Variants in DNM3 observed in about 807,000 individuals in gnomAD.
The protein encoded by DNM3 is dynamin-3.
DNM3 carries 47 observed loss-of-function variants against 101.6 expected under a neutral mutation model. That is an observed-to-expected ratio of 0.46 (90% CI 0.37 to 0.59). The LOEUF (loss-of-function observed/expected upper bound fraction) is 0.59, where lower values mean the gene tolerates loss of function less well. Among genes scored for constraint, DNM3 ranks in the 20% least tolerant of loss-of-function variants. The pLI, the probability that DNM3 is intolerant of heterozygous loss-of-function variation, is 0.00. For missense variants in DNM3, 849 were observed against 1,085.7 expected, an observed-to-expected ratio of 0.78 and a Z score of 3.06; for synonymous variants, 385 against 387.9, an observed-to-expected ratio of 0.99 and a Z score of 0.09.
At chr1:172,025,111 T>C (rs2048106859) in intron 4 of DNM3, among the ~76,000 whole-genome samples, 1 of 152,144 alleles carries the variant, frequency 6.6e-6, no homozygotes, top group Non-Finnish European at 1.5e-5. Flanking sequence ...TTGAGCTTTG[T>C]TTGGGGAGGG....
intron 20 of DNM3, 84 bp from the exon 21 acceptor site, chr1:172,407,688 A>G: frequency 7.1e-7 from 1 of 1,403,240 alleles, no homozygotes; most frequent in East Asian, 2.3e-5. Context: ...GCATGTGTGT[A>G]ATGGCTCTTT....
intron 13 of DNM3, among the ~76,000 whole-genome samples, chr1:172,106,732 T>C (rs1414301288): frequency 4.6e-5 from 7 of 152,138 alleles, no homozygotes; most frequent in African/African-American, 7.2e-5. Context: ...ATTTGTTATA[T>C]TGATATACTT....
At chr1:172,077,446 A>G (rs1224609999) in intron 11 of DNM3, among the ~76,000 whole-genome samples, 1 of 152,156 alleles carries the variant, frequency 6.6e-6, no homozygotes, top group East Asian at 1.9e-4. Flanking sequence ...TCCTGTGGGC[A>G]TTTAGTGCTA....
chr1:171,892,957 C>T (rs777809403), intron 1 of DNM3, among the ~76,000 whole-genome samples: 2 of 151,904 alleles, frequency 1.3e-5, no homozygotes, highest in African/African-American at 2.4e-5. Flanking sequence ...TCCTGCTGTG[C>T]GGCCCAGTTC....
At chr1:172,148,409 A>G (rs2058002093) in intron 14 of DNM3, among the ~76,000 whole-genome samples, 1 of 152,058 alleles carries the variant, frequency 6.6e-6, no homozygotes, top group Non-Finnish European at 1.5e-5. Flanking sequence ...CGTCATGATA[A>G]TAACTTAAGA....
chr1:172,286,592 A>G (rs1386248121), intron 15 of DNM3, among the ~76,000 whole-genome samples: 1 of 152,232 alleles, frequency 6.6e-6, no homozygotes, highest in Non-Finnish European at 1.5e-5. Flanking sequence ...GGCACCCAGC[A>G]TCACAGCCAC....
intron 13 of DNM3, among the ~76,000 whole-genome samples, chr1:172,102,342 A>G (rs2054708510): frequency 6.6e-6 from 1 of 152,154 alleles, no homozygotes; most frequent in Non-Finnish European, 1.5e-5. Flanking sequence ...AATAATCATT[A>G]TTTTATTATA....
intron 4 of DNM3, among the ~76,000 whole-genome samples, chr1:172,016,967 C>G (rs1177434959): frequency 6.6e-6 from 1 of 152,046 alleles, no homozygotes; most frequent in African/African-American, 2.4e-5. Flanking sequence ...TCAAGCAATC[C>G]TCTCACCTCA....
intron 1 of DNM3, among the ~76,000 whole-genome samples, chr1:171,887,787 T>C (rs779825492): frequency 2.6e-5 from 4 of 152,192 alleles, no homozygotes; most frequent in Non-Finnish European, 2.9e-5. Context: ...AATCTGGGGA[T>C]TTATTTAATT....
At chr1:172,092,944 T>A in intron 13 of DNM3, 69 bp downstream of exon 13, 1 of 1,390,704 alleles carries the variant, frequency 7.2e-7, no homozygotes, top group Non-Finnish European at 9.8e-7. Context: ...CTTGATTGAC[T>A]ATTTTTTTAA....
intron 14 of DNM3, among the ~76,000 whole-genome samples, chr1:172,251,197 G>A (rs888779747): frequency 2.6e-5 from 4 of 151,992 alleles, no homozygotes; most frequent in African/African-American, 4.8e-5. Flanking sequence ...CACACTTCTT[G>A]ATTAAGATGA....
chr1:172,280,009 G>T (rs1294033128), intron 15 of DNM3, among the ~76,000 whole-genome samples: 1 of 152,114 alleles, frequency 6.6e-6, no homozygotes, highest in East Asian at 1.9e-4. Context: ...CCATTGTCTG[G>T]CTTCTGGCTC....
At chr1:171,851,736 A>G (rs1187201251) in intron 1 of DNM3, among the ~76,000 whole-genome samples, 2 of 152,338 alleles carry the variant, frequency 1.3e-5, no homozygotes, top group Admixed American at 6.5e-5. Flanking sequence ...TTTAAACTGT[A>G]GATTGTGACC....
chr1:172,315,785 G>A (rs1475417087), intron 16 of DNM3, among the ~76,000 whole-genome samples: 1 of 152,196 alleles, frequency 6.6e-6, no homozygotes, highest in African/African-American at 2.4e-5. Flanking sequence ...CAGTGACGGG[G>A]AGAATGGAAC....
chr1:172,411,133 C>CATG lies in DNM3; in HGVS notation c.*3293_*3295dup. ...GTATGGTTGTAAATATCTATGTATA[C>CATG]ATGTACTTAGTATGTGTGGTATCAG... On this transcript the variant is annotated 3_prime_UTR_variant, in exon 21 of 21. Coordinates refer to ENST00000627582, the MANE Select transcript of DNM3 (RefSeq NM_015569.5). The CATG allele has an allele frequency of 1.0e-6, 1 of 984,402 alleles. No individual in the cohort carries two copies. Among genetic ancestry groups the CATG allele is most frequent in the Non-Finnish European group, 1.2e-6 (1 of 829,146 alleles). The allele number at this position is 984,402 out of a possible 1,614,324, so 61.0% of individuals were successfully genotyped here. A position where few individuals can be genotyped will look rare whatever the true frequency, so the allele number is the denominator to read the frequency against.
intron 14 of DNM3, among the ~76,000 whole-genome samples, chr1:172,149,661 A>T (rs2058054205): frequency 6.6e-6 from 1 of 152,088 alleles, no homozygotes; most frequent in African/African-American, 2.4e-5. Context: ...TGGACAAGAG[A>T]ATCATGGTGT....
intron 20 of DNM3, 109 bp from the exon 21 acceptor site, chr1:172,407,663 C>G: frequency 2.9e-6 from 3 of 1,050,922 alleles, no homozygotes; most frequent in Non-Finnish European, 2.9e-6. Flanking sequence ...CTTCTGCTGG[C>G]CTGTATGTGC....
At chr1:172,242,873 T>C (rs1457346475) in intron 14 of DNM3, among the ~76,000 whole-genome samples, 1 of 152,200 alleles carries the variant, frequency 6.6e-6, no homozygotes, top group African/African-American at 2.4e-5. Flanking sequence ...TCCTCCATTC[T>C]TTCCCCCTGT....
At position 172,151,118 on chromosome 1, in the gene DNM3, T is replaced by C. The variant is rs183587760; in HGVS notation, c.1659+19830T>C. Among the ~76,000 whole-genome samples, 388 of 152,326 alleles carry C rather than the reference T, an allele frequency of 2.5e-3. 1 individual carries two copies. Among genetic ancestry groups the C allele is most frequent in the African/African-American group, 9.0e-3 (375 of 41,598 alleles). Reference sequence around the variant, plus strand: ...TATGTATTTGTATATATATTTAAACTAGATCATCTCTATGTGAGAATTATT... The same window carrying C: ...TATGTATTTGTATATATATTTAAACCAGATCATCTCTATGTGAGAATTATT... On this transcript the variant is annotated intron_variant, in intron 14 of 20. Coordinates refer to ENST00000627582, the MANE Select transcript of DNM3 (RefSeq NM_015569.5).
Sources: gnomAD v4.1 joint callset for allele counts (sites outside exome capture counted in the v4.1 genomes callset) on GRCh38, gnomAD v4.1.1 for gene constraint, MANE v1.5 for transcripts, NCBI Gene and HGNC (gene_info 2026-07-23, HGNC 2026-07-21) for gene names.